Variants in NXPH1 observed in about 807,000 individuals in gnomAD.
NXPH1 encodes the protein neurexophilin-1.
NXPH1 carries 5 observed loss-of-function variants against 23.7 expected under a neutral mutation model. The observed-to-expected ratio is 0.21, with a 90% CI of 0.11 to 0.44. The LOEUF is 0.44. Ranked by LOEUF, NXPH1 falls within the 20% of genes least tolerant of loss-of-function variation. The pLI is 0.99. For synonymous variants in NXPH1, 144 were observed against 122.2 expected (o/e 1.18, Z -1.18); for missense variants, 324 against 321.6 (o/e 1.01, Z -0.06).
chr7:8,710,301 C>A (rs1779766786), intron 2 of NXPH1, among the ~76,000 whole-genome samples: 1 of 152,180 alleles, frequency 6.6e-6, no homozygotes, highest in Non-Finnish European at 1.5e-5. Flanking sequence ...AAAGTCCCTG[C>A]TGTTAAAATG....
chr7:8,500,659 T>C (rs955380684), intron 2 of NXPH1, among the ~76,000 whole-genome samples: 2 of 152,106 alleles, frequency 1.3e-5, no homozygotes, highest in African/African-American at 4.8e-5. Context: ...ATATAGAATT[T>C]TTGAAAGGAG....
rs1268350757 is a variant in NXPH1 at position 8,526,214 on chromosome 7, C to T, written c.54+90447C>T. On this transcript the variant is annotated intron_variant, in intron 2 of 2. Coordinates refer to ENST00000405863, the MANE Select transcript of NXPH1 (RefSeq NM_152745.3). ...TTTGGAGCTTTAAAAGTTGACTCCC[C>T]TGCTGGATTTTGGACTTGCATGGGC... is the stretch of plus-strand genomic sequence containing the variant. Among the ~76,000 whole-genome samples, 3 of 152,332 alleles carry T rather than the reference C, an allele frequency of 2.0e-5. No homozygotes were observed. The East Asian group carries it at 5.8e-4, about 29-fold the overall frequency.
At chr7:8,567,497 T>C (rs999191453) in intron 2 of NXPH1, among the ~76,000 whole-genome samples, 1 of 151,894 alleles carries the variant, frequency 6.6e-6, no homozygotes, top group South Asian at 2.1e-4. Flanking sequence ...TCACAATGAG[T>C]CAGACATACA....
rs150339701 is a variant in NXPH1, at chr7:8,571,556, G to A, written c.54+135789G>A. Among the ~76,000 whole-genome samples the A allele has an allele frequency of 2.0e-3, 303 of 151,712 alleles. 2 individuals carry two copies. Among genetic ancestry groups the A allele is most frequent in the African/African-American group, 6.8e-3 (279 of 41,298 alleles). On this transcript the variant is annotated intron_variant, in intron 2 of 2. Coordinates refer to ENST00000405863, the MANE Select transcript of NXPH1 (RefSeq NM_152745.3). Reference sequence around the variant, plus strand: ...ATAATGAGGAAAATCTTAAGAAAGCGGTTATCTTAATGTCAAGGAAGAGTC... The same window carrying A: ...ATAATGAGGAAAATCTTAAGAAAGCAGTTATCTTAATGTCAAGGAAGAGTC...
intron 2 of NXPH1, among the ~76,000 whole-genome samples, chr7:8,446,790 C>G (rs1459800852): frequency 6.6e-6 from 1 of 151,934 alleles, no homozygotes; most frequent in African/African-American, 2.4e-5. Context: ...GGGAATGAAG[C>G]ATTTTTTTTT....
intron 2 of NXPH1, among the ~76,000 whole-genome samples, chr7:8,602,207 T>C (rs947117346): frequency 6.6e-6 from 1 of 152,190 alleles, no homozygotes; most frequent in South Asian, 2.1e-4. Context: ...ATATGCTTTT[T>C]TAGTTATTTC....
chr7:8,626,606 A>T (rs900948321), intron 2 of NXPH1, among the ~76,000 whole-genome samples: 2 of 152,086 alleles, frequency 1.3e-5, no homozygotes, highest in African/African-American at 4.8e-5. Flanking sequence ...CTTTGTGCTA[A>T]TATTACACTG....
chr7:8,615,225 C>T (rs1055792146), intron 2 of NXPH1, among the ~76,000 whole-genome samples: 1 of 151,996 alleles, frequency 6.6e-6, no homozygotes, highest in East Asian at 1.9e-4. Context: ...ATTGCGGGAG[C>T]TAAATCTTTA....
intron 2 of NXPH1, among the ~76,000 whole-genome samples, chr7:8,489,600 C>T (rs1332898429): frequency 6.6e-6 from 1 of 151,972 alleles, no homozygotes; most frequent in Non-Finnish European, 1.5e-5. Flanking sequence ...ATTTTCTTAG[C>T]CAACATTGGC....
rs1820647532 is a variant in NXPH1, at chr7:8,660,022, C to A, written c.55-90986C>A. 2.0e-5 allele frequency among the ~76,000 whole-genome samples: 3 copies of A among 152,144 alleles called. No individual in the cohort carries two copies. The South Asian group carries it at 6.2e-4, about 32-fold the overall frequency. On this transcript the variant is annotated intron_variant, in intron 2 of 2. Coordinates refer to ENST00000405863, the MANE Select transcript of NXPH1 (RefSeq NM_152745.3). ...GGGAATACTTAAGAGGAGCAGAATC[C>A]TGCTTGAGAAAAACCCAGTGTGACT...
chr7:8,739,680 AT>A (rs1250018692), intron 2 of NXPH1, among the ~76,000 whole-genome samples: 1 of 152,018 alleles, frequency 6.6e-6, no homozygotes, highest in Non-Finnish European at 1.5e-5. Flanking sequence ...TAAACTTTTA[AT>A]TTTTTAAAAC....
intron 2 of NXPH1, among the ~76,000 whole-genome samples, chr7:8,558,782 AT>A (rs972685621): frequency 1.3e-5 from 2 of 151,622 alleles, no homozygotes; most frequent in Admixed American, 1.3e-4. Flanking sequence ...GTTAGAATCG[AT>A]TGTTTAAACT....
At chr7:8,693,844 C>T (rs780628611) in intron 2 of NXPH1, among the ~76,000 whole-genome samples, 14 of 151,960 alleles carry the variant, frequency 9.2e-5, no homozygotes, top group Non-Finnish European at 1.2e-4. Flanking sequence ...AATTTTTTTC[C>T]TCTCAGTTTG....
intron 2 of NXPH1, among the ~76,000 whole-genome samples, chr7:8,672,633 T>G (rs1820889319): frequency 6.6e-6 from 1 of 152,102 alleles, no homozygotes; most frequent in Non-Finnish European, 1.5e-5. Flanking sequence ...AGGCAATTAA[T>G]AAAAGAAGTC....
intron 2 of NXPH1, among the ~76,000 whole-genome samples, chr7:8,709,634 G>T (rs1779756224): frequency 6.6e-6 from 1 of 151,908 alleles, no homozygotes; most frequent in Admixed American, 6.6e-5. Context: ...TTTAAACAAG[G>T]GTGGAAAACC....
intron 2 of NXPH1, among the ~76,000 whole-genome samples, chr7:8,459,149 G>A (rs1292378885): frequency 1.3e-5 from 2 of 150,658 alleles, no homozygotes; most frequent in Non-Finnish European, 3.0e-5. Context: ...TTGTCTCTGT[G>A]GTCTAATAAT....
intron 2 of NXPH1, among the ~76,000 whole-genome samples, chr7:8,585,948 A>C (rs1818970738): frequency 6.6e-6 from 1 of 152,128 alleles, no homozygotes; most frequent in Non-Finnish European, 1.5e-5. Flanking sequence ...TCTTCCTCTA[A>C]TATTTTTCCA....
intron 2 of NXPH1, among the ~76,000 whole-genome samples, chr7:8,520,411 C>G (rs188954913): frequency 1.6e-4 from 25 of 152,280 alleles, no homozygotes; most frequent in Non-Finnish European, 5.9e-5. Context: ...AGAAGCCAGA[C>G]GGAAGGTGGC....
chr7:8,619,495 G>T (rs1156606240), intron 2 of NXPH1, among the ~76,000 whole-genome samples: 4 of 152,014 alleles, frequency 2.6e-5, no homozygotes, highest in Non-Finnish European at 5.9e-5. Flanking sequence ...TAAAGTAATG[G>T]GATCAATAAT....
Sources: gnomAD v4.1 joint callset for allele counts (sites outside exome capture counted in the v4.1 genomes callset) on GRCh38, gnomAD v4.1.1 for gene constraint, MANE v1.5 for transcripts, NCBI Gene and HGNC (gene_info 2026-07-23, HGNC 2026-07-21) for gene names.